The following MEPCE variants were observed in gnomAD, a reference collection of about 807,000 sequenced individuals.
MEPCE encodes the protein methylphosphate capping enzyme.
In MEPCE, 9 loss-of-function variants were observed where a neutral mutation model predicts 52.3. The ratio of observed to expected loss-of-function variants is 0.17; its 90% CI spans 0.10 to 0.30. The LOEUF is 0.30. MEPCE is among the 10% of genes least tolerant of loss of function. The probability of loss-of-function intolerance (pLI) is 1.00; values close to 1 mark genes in which losing one functional copy is unlikely to be tolerated. For synonymous variants in MEPCE, 477 were observed against 401.6 expected, an observed-to-expected ratio of 1.19 and a Z score of -2.25; for missense variants, 826 against 933.0, an observed-to-expected ratio of 0.89 and a Z score of 1.49.
chr7:100,430,091 G>A lies in MEPCE; in HGVS notation c.73G>A (p.Gly25Ser). Reference protein sequence around the residue: ...APPPPLKDESGGGGGPTVPPH... With the variant: ...APPPPLKDESSGGGGPTVPPH... ...GCCGCCGCCGCTCAAAGATGAGTCG[G>A]GCGGAGGGGGCGGCCCCACGGTGCC... Residue 25 changes from glycine (G) to serine (S), a missense_variant, in exon 1 of 4, where the codon GGC (glycine) becomes AGC (serine). By Grantham distance (56) the Gly-to-Ser change is moderately conservative (BLOSUM62 0). Around this residue, in one of 7 missense-constraint regions of MEPCE, gnomAD observed 314 missense variants for 277.7 expected, o/e 1.13. Transcript: ENST00000310512. 7.9e-7 allele frequency: 1 copy of A among 1,264,470 alleles called. No individual in the cohort carries two copies. The allele number at this position is 1,264,470 out of a possible 1,614,324, so 78.3% of individuals were successfully genotyped here. A position where few individuals can be genotyped will look rare whatever the true frequency, so the allele number is the denominator to read the frequency against.
chr7:100,432,150 G>A (rs1429036102), intron 1 of MEPCE, among the ~76,000 whole-genome samples: 1 of 152,200 alleles, frequency 6.6e-6, no homozygotes, highest in African/African-American at 2.4e-5. Flanking sequence ...TAGCCACCTT[G>A]CTCCTATCAG....
Position 100,431,606 on chromosome 7 carries a change from A to T in MEPCE, c.1588A>T (p.Ser530Cys), listed in dbSNP as rs868708911. The part of the protein sequence containing the change: ...RSCFPASLTA[S>C]RGPIAAPQVP... Reference sequence around the variant, plus strand: ...CTGCTTCCCAGCCTCGCTGACTGCCAGCCGGGGTCCCATCGCTGCCCCCCA... The same window carrying T: ...CTGCTTCCCAGCCTCGCTGACTGCCTGCCGGGGTCCCATCGCTGCCCCCCA... The change falls in exon 1 of 4, where the codon AGC becomes TGC. Residue 530 changes from serine (S) to cysteine (C), a missense_variant. Physicochemically the swap from Ser to Cys is moderately radical, Grantham distance 112 (BLOSUM62 -1). Transcript: ENST00000310512. The T allele has an allele frequency of 3.1e-6, 5 of 1,610,406 alleles. No individual in the cohort carries two copies. In the Middle Eastern group the frequency reaches 8.2e-4, roughly 266 times the overall value.
rs750411144 is a variant in MEPCE, at chr7:100,430,426, T to C, written c.408T>C (p.Tyr136=). 123 of 1,555,056 alleles carry C rather than the reference T, an allele frequency of 7.9e-5. No homozygotes were observed. Among genetic ancestry groups the C allele is most frequent in the Admixed American group, 1.1e-4 (6 of 55,670 alleles). Residue 136 remains tyrosine, a synonymous_variant, in exon 1 of 4, where the codon TAT becomes TAC. Coordinates refer to ENST00000310512, the MANE Select transcript of MEPCE (RefSeq NM_019606.6). ...PPAPPRPRNG[Y]QPHRPPGGGG... ...CTCCTCCTCGACCCCGCAATGGCTA[T>C]CAGCCCCACCGGCCACCTGGGGGGG...
In MEPCE at chr7:100,430,254, G is replaced by A; in HGVS notation, c.236G>A (p.Gly79Asp). ...SPGAAATSSS[G>D]PQAQQHRGGG... ...GGGGCCGCGGCCACCTCCTCCAGTGGTCCCCAGGCGCAGCAGCACCGAGGG... is the reference window on the plus strand; with the variant it reads ...GGGGCCGCGGCCACCTCCTCCAGTGATCCCCAGGCGCAGCAGCACCGAGGG... Residue 79 changes from glycine (G) to aspartate (D), a missense_variant, in exon 1 of 4, where the codon GGT (glycine) becomes GAT (aspartate). By Grantham distance (94) the Gly-to-Asp change is moderately conservative. Around this residue, in one of 7 missense-constraint regions of MEPCE, gnomAD observed 314 missense variants for 277.7 expected, o/e 1.13. Coordinates refer to ENST00000310512, the MANE Select transcript of MEPCE (RefSeq NM_019606.6). 7.3e-7 allele frequency: 1 copy of A among 1,365,620 alleles called. No homozygotes were observed. The highest frequency in any genetic ancestry group is 9.4e-7 in the Non-Finnish European group (1 of 1,064,520). The allele number at this position is 1,365,620 out of a possible 1,614,324, so 84.6% of individuals were successfully genotyped here. A position where few individuals can be genotyped will look rare whatever the true frequency, so the allele number is the denominator to read the frequency against.
Position 100,431,347 on chromosome 7 carries a change from G to A in MEPCE, c.1329G>A (p.Arg443=), listed in dbSNP as rs367545067. Reference sequence around the variant, plus strand: ...GGGTGTTGAAGCCTGAGTGGTTTCGGGGCCGGGACGTCCTAGATCTGGGCT... The same window carrying A: ...GGGTGTTGAAGCCTGAGTGGTTTCGAGGCCGGGACGTCCTAGATCTGGGCT... ...RLRVLKPEWF[R]GRDVLDLGCN... Residue 443 remains arginine, a synonymous_variant, in exon 1 of 4, where the codon CGG becomes CGA. Coordinates refer to ENST00000310512, the MANE Select transcript of MEPCE (RefSeq NM_019606.6). 14 of 1,613,996 alleles carry A rather than the reference G, an allele frequency of 8.7e-6. No homozygotes were observed. The African/African-American group carries it at 9.3e-5, about 11-fold the overall frequency.
In MEPCE at chr7:100,433,613, G is replaced by A. The variant is rs1292770925; in HGVS notation, c.*59G>A. ...CCCTCGCTGCTCATAAGGACCTGGG[G>A]GAAGAGGAAAGTGTCCCAAGGTCTT... On this transcript the variant is annotated 3_prime_UTR_variant, in exon 4 of 4. Coordinates refer to ENST00000310512, the MANE Select transcript of MEPCE (RefSeq NM_019606.6). 2 of 1,537,380 alleles carry A rather than the reference G, an allele frequency of 1.3e-6. No individual in the cohort carries two copies. The highest frequency in any genetic ancestry group is 2.3e-5 in the East Asian group (1 of 44,368).
rs1327702249 is a variant in MEPCE at position 100,430,361 on chromosome 7, G to A, written c.343G>A (p.Glu115Lys). The A allele has an allele frequency of 7.0e-7, 1 of 1,437,028 alleles. No individual in the cohort carries two copies. The highest frequency in any genetic ancestry group is 9.1e-7 in the Non-Finnish European group (1 of 1,097,486). 89.0% of individuals were successfully genotyped at this position (1,437,028 alleles called of 1,614,324 possible). Residue 115 changes from glutamate (E) to lysine (K), a missense_variant, in exon 1 of 4, where the codon GAG becomes AAG. This residue lies in a region of MEPCE where 314 missense variants were observed against 277.7 expected (regional missense o/e 1.13). Transcript: ENST00000310512. The part of the protein sequence containing the change: ...GRAAPPDVGE[E>K]RRGGGGTELG... ...AGCCGCTCCCCCGGACGTGGGGGAG[G>A]AGCGCCGGGGAGGGGGCGGGACAGA...
chr7:100,430,282 C>G lies in MEPCE; in HGVS notation c.264C>G (p.Gly88=). ...SGPQAQQHRG[G]GPQAQSHGEA... Reference sequence around the variant, plus strand: ...CCCAGGCGCAGCAGCACCGAGGGGGCGGCCCCCAGGCGCAGTCGCATGGGG... The same window carrying G: ...CCCAGGCGCAGCAGCACCGAGGGGGGGGCCCCCAGGCGCAGTCGCATGGGG... Residue 88 remains glycine (G), a synonymous_variant, in exon 1 of 4, where the codon GGC becomes GGG. Transcript: ENST00000310512. The G allele has an allele frequency of 7.1e-7, 1 of 1,401,318 alleles. No individual in the cohort carries two copies. Among genetic ancestry groups the G allele is most frequent in the Non-Finnish European group, 9.2e-7 (1 of 1,081,990 alleles). The allele number at this position is 1,401,318 out of a possible 1,614,324, so 86.8% of individuals were successfully genotyped here.
At position 100,430,934 on chromosome 7, in the gene MEPCE, AGG is replaced by A. The variant is rs763097172; in HGVS notation, c.919_920del (p.Gly307ProfsTer10). 1 of 1,608,718 alleles carries A rather than the reference AGG, an allele frequency of 6.2e-7. No homozygotes were observed. The highest frequency in any genetic ancestry group is 8.5e-7 in the Non-Finnish European group (1 of 1,176,732). On this transcript the variant is annotated frameshift_variant, in exon 1 of 4. Transcript: ENST00000310512. LOFTEE classifies it high-confidence loss of function. ...GGGCGCCTCACAGCAGCCGCGGCAC[AGG>A]GGCCAGAACCGGGATGCCCCCCAAC... is the stretch of plus-strand genomic sequence containing the variant. ...GEGASQQPRH[R>X]GQNRDAPQPY...
upstream of MEPCE, chr7:100,429,331 G>C (rs35544677): frequency 1.3e-5 from 2 of 152,288 alleles, no homozygotes; most frequent in Non-Finnish European, 2.9e-5. Context: ...AGCACGTGCT[G>C]CCTCTACCCG....
chr7:100,431,772 C>T, intron 1 of MEPCE, 83 bp downstream of exon 1: 1 of 1,316,722 alleles, frequency 7.6e-7, no homozygotes, highest in Non-Finnish European at 1.0e-6. Context: ...AGGTTATGAC[C>T]CAGATCCTCA....
At position 100,431,074 on chromosome 7, in the gene MEPCE, C is replaced by T. The variant is rs765699263; in HGVS notation, c.1056C>T (p.Ile352=). The T allele has an allele frequency of 1.5e-5, 25 of 1,613,734 alleles. No individual in the cohort carries two copies. The highest frequency in any genetic ancestry group is 1.9e-5 in the Non-Finnish European group (23 of 1,180,042). The change falls in exon 1 of 4, where the codon ATC becomes ATT. Residue 352 remains isoleucine (I), a synonymous_variant. Transcript: ENST00000310512. ...CAGCCCCTCCAGCTGCCTCAGTTATCTCTGCACCCCCATCTTCCTCCTCCC... is the reference window on the plus strand; with the variant it reads ...CAGCCCCTCCAGCTGCCTCAGTTATTTCTGCACCCCCATCTTCCTCCTCCC... ...SLSAPPAASV[I]SAPPSSSSRH... is the part of the protein sequence containing the mutation.
chr7:100,430,398 C>G lies in MEPCE; in HGVS notation c.380C>G (p.Pro127Arg). Residue 127 changes from proline to arginine, a missense_variant, in exon 1 of 4, where the codon CCT becomes CGT. Pro to Arg is a moderately radical substitution (Grantham distance 103). Around this residue, in one of 7 missense-constraint regions of MEPCE, gnomAD observed 314 missense variants for 277.7 expected, o/e 1.13. Transcript: ENST00000310512. Reference sequence around the variant, plus strand: ...GGGGGCGGGACAGAGCTGGGTCCCCCTGCTCCTCCTCGACCCCGCAATGGC... The same window carrying G: ...GGGGGCGGGACAGAGCTGGGTCCCCGTGCTCCTCCTCGACCCCGCAATGGC... ...RGGGGTELGPPAPPRPRNGYQ... is the reference protein window; with the variant it reads ...RGGGGTELGPRAPPRPRNGYQ... The G allele has an allele frequency of 6.6e-7, 1 of 1,521,306 alleles. No individual in the cohort carries two copies. Among genetic ancestry groups the G allele is most frequent in the South Asian group, 1.2e-5 (1 of 81,586 alleles). The allele number at this position is 1,521,306 out of a possible 1,614,324, so 94.2% of individuals were successfully genotyped here. A position where few individuals can be genotyped will look rare whatever the true frequency, so the allele number is the denominator to read the frequency against.
In MEPCE at chr7:100,430,348, G is replaced by T; in HGVS notation, c.330G>T (p.Pro110=). The T allele has an allele frequency of 7.0e-7, 1 of 1,429,208 alleles. No individual in the cohort carries two copies. The highest frequency in any genetic ancestry group is 9.1e-7 in the Non-Finnish European group (1 of 1,094,356). 88.5% of individuals were successfully genotyped at this position (1,429,208 alleles called of 1,614,324 possible). The change falls in exon 1 of 4, where the codon CCG becomes CCT. Residue 110 remains proline, a synonymous_variant. Coordinates refer to ENST00000310512, the MANE Select transcript of MEPCE (RefSeq NM_019606.6). ...ATCCCCCGGGGCGAGCCGCTCCCCCGGACGTGGGGGAGGAGCGCCGGGGAG... is the reference window on the plus strand; with the variant it reads ...ATCCCCCGGGGCGAGCCGCTCCCCCTGACGTGGGGGAGGAGCGCCGGGGAG... ...LSDPPGRAAP[P]DVGEERRGGG...
In MEPCE at chr7:100,429,982, C is replaced by A; in HGVS notation, c.-37C>A. The A allele has an allele frequency of 1.6e-6, 2 of 1,238,802 alleles. No homozygotes were observed. Among genetic ancestry groups the A allele is most frequent in the South Asian group, 7.2e-5 (2 of 27,652 alleles). 76.7% of individuals were successfully genotyped at this position (1,238,802 alleles called of 1,614,324 possible). On this transcript the variant is annotated 5_prime_UTR_variant, in exon 1 of 4. Coordinates refer to ENST00000310512, the MANE Select transcript of MEPCE (RefSeq NM_019606.6). ...AGGGGGGGTTAGGCCCCCTGATCCCCCTCGTTACCCCGACTGGCACGGAAT... is the reference window on the plus strand; with the variant it reads ...AGGGGGGGTTAGGCCCCCTGATCCCACTCGTTACCCCGACTGGCACGGAAT...
At chr7:100,432,763 CAA>C (rs1277949504) in intron 1 of MEPCE, among the ~76,000 whole-genome samples, 154 bp from the exon 2 acceptor site, 1 of 152,192 alleles carries the variant, frequency 6.6e-6, no homozygotes, top group Non-Finnish European at 1.5e-5. Context: ...AAACAAAACT[CAA>C]AGAGGGCAGG....
Position 100,431,645 on chromosome 7 carries a change from G to A in MEPCE, c.1627G>A (p.Gly543Arg). The A allele has an allele frequency of 1.2e-6, 2 of 1,604,782 alleles. No individual in the cohort carries two copies. Among genetic ancestry groups the A allele is most frequent in the Non-Finnish European group, 8.5e-7 (1 of 1,179,692 alleles). ...PIAAPQVPLD[G>R]ADTSVFPNNV... ...CGCTGCCCCCCAAGTGCCCTTGGAT[G>A]GAGCGGACACATCAGTCTTCCCCAA... Residue 543 changes from glycine to arginine, a missense_variant, in exon 1 of 4, where the codon GGA becomes AGA. Gly to Arg is a moderately radical substitution (Grantham distance 125, BLOSUM62 -2). This residue lies in a region of MEPCE where 107 missense variants were observed against 157.9 expected (regional missense o/e 0.68). Coordinates refer to ENST00000310512, the MANE Select transcript of MEPCE (RefSeq NM_019606.6).
In MEPCE at chr7:100,431,299, T is replaced by C. The variant is rs763534476; in HGVS notation, c.1281T>C (p.Pro427=). 1.9e-6 allele frequency: 3 copies of C among 1,614,160 alleles called. No individual in the cohort carries two copies. The East Asian group carries it at 6.7e-5, about 36-fold the overall frequency. ...NYCKYYGYRN[P]SCEDGRLRVL... ...GCAAATACTATGGGTACCGCAATCC[T>C]TCCTGTGAGGATGGGCGCCTTCGGG... Residue 427 remains proline, a synonymous_variant, in exon 1 of 4, where the codon CCT becomes CCC. Transcript: ENST00000310512.
chr7:100,433,935 T>C lies in MEPCE; in HGVS notation c.*381T>C, dbSNP rs79307174. The C allele has an allele frequency of 2.1e-3, 470 of 221,496 alleles. 3 individuals carry two copies. The highest frequency in any genetic ancestry group is 0.01 in the African/African-American group (437 of 43,492). The allele number at this position is 221,496 out of a possible 1,614,324, so 13.7% of individuals were successfully genotyped here. A position where few individuals can be genotyped will look rare whatever the true frequency, so the allele number is the denominator to read the frequency against. On this transcript the variant is annotated 3_prime_UTR_variant, in exon 4 of 4. Coordinates refer to ENST00000310512, the MANE Select transcript of MEPCE (RefSeq NM_019606.6). ...CTCCTCGGCCATTGTACCTAGCTCT[T>C]GTCCCTAGCTGCATTTCAGTGGACC...
Sources: allele counts gnomAD v4.1 joint callset (sites outside exome capture counted in the v4.1 genomes callset), GRCh38; gene constraint gnomAD v4.1.1; regional missense constraint gnomAD v4.1.1; transcripts MANE v1.5; gene names NCBI Gene and HGNC (gene_info 2026-07-23, HGNC 2026-07-21).